Variants in PTPRN2 observed in about 807,000 individuals in gnomAD.
PTPRN2 encodes the protein protein tyrosine phosphatase receptor type N2.
PTPRN2 carries 74 observed loss-of-function variants against 118.8 expected under a neutral mutation model. The observed-to-expected ratio is 0.62, with a 90% CI of 0.52 to 0.76. The LOEUF is 0.76. PTPRN2 is among the 30% of genes least tolerant of loss of function. PTPRN2 has a pLI of 0.00. For synonymous variants in PTPRN2, 641 were observed against 608.0 expected (o/e 1.05, Z -0.80); for missense variants, 1,481 against 1,394.4 (o/e 1.06, Z -0.99).
chr7:157,614,547 C>G (rs1317959453), intron 15 of PTPRN2, among the ~76,000 whole-genome samples: 1 of 152,316 alleles, frequency 6.6e-6, no homozygotes, highest in East Asian at 1.9e-4. Flanking sequence ...AAACAGACAA[C>G]AGATAACAGA....
chr7:157,749,668 G>C (rs1294162992), intron 12 of PTPRN2, among the ~76,000 whole-genome samples: 2 of 140,308 alleles, frequency 1.4e-5, no homozygotes, highest in African/African-American at 5.5e-5. Context: ...TGAGGCCTGC[G>C]TCCCTGAGCT....
chr7:158,513,065 CAG>C (rs1175481903), intron 1 of PTPRN2, among the ~76,000 whole-genome samples: 1 of 152,168 alleles, frequency 6.6e-6, no homozygotes, highest in Non-Finnish European at 1.5e-5. Flanking sequence ...TGCCTTCCCT[CAG>C]AGAGTGCAGC....
At chr7:158,219,457 A>G in intron 3 of PTPRN2, among the ~76,000 whole-genome samples, 1 of 152,118 alleles carries the variant, frequency 6.6e-6, no homozygotes, top group African/African-American at 2.4e-5. Context: ...CAACTACATC[A>G]TAAAGTTAGA....
chr7:157,637,973 C>T (rs796693761), intron 14 of PTPRN2, among the ~76,000 whole-genome samples: 4 of 152,306 alleles, frequency 2.6e-5, no homozygotes, highest in African/African-American at 9.6e-5. Flanking sequence ...AGAGGAGAAA[C>T]ACTGAATTCT....
intron 5 of PTPRN2, among the ~76,000 whole-genome samples, chr7:158,169,417 A>AGTGTGTGTGTGTGT (rs375257745): frequency 1.5e-4 from 21 of 136,626 alleles, no homozygotes; most frequent in East Asian, 6.7e-4. Flanking sequence ...TGCTTTTGTG[A>AGTGTGTGTGTGTGT]GTGTGTGTGT....
intron 10 of PTPRN2, among the ~76,000 whole-genome samples, chr7:158,089,831 T>TG (rs1813917636): frequency 8.0e-6 from 1 of 124,436 alleles, no homozygotes; most frequent in Non-Finnish European, 1.7e-5. Context: ...ACACACATCC[T>TG]TCCTCCCCTG....
chr7:158,406,779 A>C (rs965008801), intron 2 of PTPRN2, among the ~76,000 whole-genome samples: 1 of 152,062 alleles, frequency 6.6e-6, no homozygotes, highest in Non-Finnish European at 1.5e-5. Flanking sequence ...AATGCTCCTG[A>C]TTTTGTTTTT....
chr7:158,489,261 C>T (rs986446657), intron 2 of PTPRN2, among the ~76,000 whole-genome samples: 1 of 152,294 alleles, frequency 6.6e-6, no homozygotes, highest in South Asian at 2.1e-4. Flanking sequence ...GCCTGGCCAA[C>T]ATGGTGAAAC....
intron 12 of PTPRN2, among the ~76,000 whole-genome samples, chr7:157,776,246 T>TCTCCCTCTACTCCTC (rs1803224119): frequency 1.5e-5 from 1 of 66,360 alleles, no homozygotes; most frequent in Non-Finnish European, 3.1e-5. Flanking sequence ...TCCTCCCTCC[T>TCTCCCTCTACTCCTC]CTCCCTCTCC....
At chr7:157,731,130 G>A (rs944551684) in intron 12 of PTPRN2, among the ~76,000 whole-genome samples, 15 of 152,048 alleles carry the variant, frequency 9.9e-5, no homozygotes, top group Non-Finnish European at 8.8e-5. Flanking sequence ...TCACCTCTGC[G>A]CTGCCCCCAC....
intron 3 of PTPRN2, among the ~76,000 whole-genome samples, chr7:158,212,050 C>A (rs1280629052): frequency 6.6e-6 from 1 of 152,180 alleles, no homozygotes. Context: ...AGGTGAGATT[C>A]TTTCATTTGC....
intron 11 of PTPRN2, among the ~76,000 whole-genome samples, chr7:157,993,024 G>T (rs10949683): frequency 0.63 from 95,685 of 152,040 alleles, 30,400 homozygotes; most frequent in East Asian, 0.72. Flanking sequence ...TTATGACGGA[G>T]CCCACGGGGT....
chr7:158,230,418 G>T (rs1317121309), intron 3 of PTPRN2, among the ~76,000 whole-genome samples: 1 of 151,696 alleles, frequency 6.6e-6, no homozygotes, highest in Non-Finnish European at 1.5e-5. Flanking sequence ...AAGCCCAAAA[G>T]ACAAATCTGT....
At chr7:158,239,009 G>A (rs147207451) in intron 3 of PTPRN2, among the ~76,000 whole-genome samples, 88 of 152,286 alleles carry the variant, frequency 5.8e-4, no homozygotes, top group African/African-American at 1.6e-3. Context: ...AGAGGCTCTC[G>A]TGAGGGCCGT....
At chr7:157,592,227 A>T (rs900730392) in intron 17 of PTPRN2, among the ~76,000 whole-genome samples, 3 of 152,248 alleles carry the variant, frequency 2.0e-5, no homozygotes, top group African/African-American at 7.2e-5. Flanking sequence ...ACACTGATCA[A>T]ATGAATTGCC....
At chr7:157,985,869 C>T (rs574650187) in intron 11 of PTPRN2, among the ~76,000 whole-genome samples, 23 of 152,044 alleles carry the variant, frequency 1.5e-4, no homozygotes, top group Non-Finnish European at 1.0e-4. Context: ...CTCCAAGATG[C>T]CACCGCGTGT....
intron 11 of PTPRN2, among the ~76,000 whole-genome samples, chr7:158,004,922 T>C (rs1216742584): frequency 6.6e-6 from 1 of 152,152 alleles, no homozygotes; most frequent in Non-Finnish European, 1.5e-5. Context: ...AAGTGTGTTG[T>C]AGAAATGCTA....
intron 12 of PTPRN2, among the ~76,000 whole-genome samples, chr7:157,804,161 C>G (rs117557347): frequency 0.01 from 1,540 of 152,326 alleles, 19 homozygotes; most frequent in Middle Eastern, 0.02. Context: ...GCATCTAATT[C>G]CTCACCGGGT....
rs541066098 is a variant in PTPRN2 at position 157,790,683 on chromosome 7, A to G, written c.1789-107746T>C. Among the ~76,000 whole-genome samples, 6 of 152,388 alleles carry G rather than the reference A, an allele frequency of 3.9e-5. No individual in the cohort carries two copies. In the South Asian group the frequency reaches 1.0e-3, roughly 26 times the overall value. ...AAATCTAAATAATAAACAATTTACC[A>G]TAAGATAATTAGAAGAAAATATAAA... On this transcript the variant is annotated intron_variant, in intron 12 of 22. Transcript: ENST00000389418.
Sources: gnomAD v4.1 joint callset for allele counts (sites outside exome capture counted in the v4.1 genomes callset) on GRCh38, gnomAD v4.1.1 for gene constraint, MANE v1.5 for transcripts, NCBI Gene and HGNC (gene_info 2026-07-23, HGNC 2026-07-21) for gene names.